ZMYM1: variants seen among roughly 807,000 people sequenced by gnomAD.
The protein encoded by ZMYM1 is zinc finger MYM-type containing 1.
ZMYM1 carries 39 observed loss-of-function variants against 60.0 expected under a neutral mutation model. The observed-to-expected ratio is 0.65, with a 90% CI of 0.50 to 0.85. The LOEUF (loss-of-function observed/expected upper bound fraction) is 0.85, where lower values mean the gene tolerates loss of function less well. ZMYM1 is among the 40% of genes least tolerant of loss of function. The pLI, the probability that ZMYM1 is intolerant of heterozygous loss-of-function variation, is 0.00. For synonymous variants in ZMYM1, 413 were observed against 454.0 expected (o/e 0.91, Z 1.15); for missense variants, 1,171 against 1,309.5 (o/e 0.89, Z 1.63).
chr1:35,081,661 T>C (rs76874466), intron 1 of ZMYM1, among the ~76,000 whole-genome samples: 2 of 152,218 alleles, frequency 1.3e-5, no homozygotes, highest in African/African-American at 4.8e-5. Context: ...GTTATTTTTA[T>C]ATTTTTCTGT....
At chr1:35,072,609 G>C (rs1167631141) in intron 1 of ZMYM1, among the ~76,000 whole-genome samples, 1 of 151,050 alleles carries the variant, frequency 6.6e-6, no homozygotes, top group Admixed American at 6.6e-5. Context: ...GTTTTTTCTT[G>C]TTTTTCTAGT....
At position 35,104,377 on chromosome 1, in the gene ZMYM1, C is replaced by T. The variant is rs775578562; in HGVS notation, c.502C>T (p.Leu168Phe). 16 of 1,613,296 alleles carry T rather than the reference C, an allele frequency of 9.9e-6. No homozygotes were observed. The highest frequency in any genetic ancestry group is 1.3e-5 in the African/African-American group (1 of 74,984). Residue 168 changes from leucine (L) to phenylalanine (F), a missense_variant, in exon 5 of 10, where the codon CTT becomes TTT. Transcript: ENST00000359858. ...CAAAACTTTTTGCAGCCTATCTTGTCTTTCATCATATGAAGAAAAAAGAAA... is the reference window on the plus strand; with the variant it reads ...CAAAACTTTTTGCAGCCTATCTTGTTTTTCATCATATGAAGAAAAAAGAAA... ...SCKTFCSLSC[L>F]SSYEEKRKPF... is the part of the protein sequence containing the mutation.
chr1:35,112,613 T>C (rs1330609896), intron 9 of ZMYM1, among the ~76,000 whole-genome samples: 1 of 146,888 alleles, frequency 6.8e-6, no homozygotes, highest in African/African-American at 2.5e-5. Flanking sequence ...TATTTATATA[T>C]TTAATATATA....
rs1644226257 is a variant in ZMYM1, at chr1:35,115,146, C to T, written c.3316C>T (p.Leu1106Phe). The T allele has an allele frequency of 1.2e-6, 2 of 1,614,108 alleles. No homozygotes were observed. Among genetic ancestry groups the T allele is most frequent in the Non-Finnish European group, 1.7e-6 (2 of 1,179,976 alleles). The change falls in exon 10 of 10, where the codon CTT becomes TTT. Residue 1106 changes from leucine (L) to phenylalanine (F), a missense_variant. Transcript: ENST00000359858. ...ATGTAATACCATGGGACAAGAGAAG[C>T]TTACTGGCCCAGCCCTAATGGCTGT... ...YLCNTMGQEK[L>F]TGPALMAVEQ...
At chr1:35,096,906 A>C (rs1643364552) in intron 3 of ZMYM1, among the ~76,000 whole-genome samples, 1 of 152,066 alleles carries the variant, frequency 6.6e-6, no homozygotes, top group African/African-American at 2.4e-5. Context: ...ATTGCCCGGG[A>C]TGGTCTCAAT....
At position 35,104,746 on chromosome 1, in the gene ZMYM1, A is replaced by G; in HGVS notation, c.784A>G (p.Lys262Glu). 1 of 1,613,980 alleles carries G rather than the reference A, an allele frequency of 6.2e-7. No homozygotes were observed. The highest frequency in any genetic ancestry group is 8.5e-7 in the Non-Finnish European group (1 of 1,179,836). ...ACAGTCTCATTACTTTAATAGTTCA[A>G]AGAGTATTACAGCATATAAGCAGGT... Reference protein sequence around the residue: ...EGQSHYFNSSKSITAYKQKPA... With the variant: ...EGQSHYFNSSESITAYKQKPA... Residue 262 changes from lysine (K) to glutamate (E), a missense_variant, in exon 6 of 10, where the codon AAG becomes GAG. Transcript: ENST00000359858.
At chr1:35,103,791 T>C (rs996484780) in intron 4 of ZMYM1, among the ~76,000 whole-genome samples, 2 of 152,234 alleles carry the variant, frequency 1.3e-5, no homozygotes, top group Non-Finnish European at 2.9e-5. Flanking sequence ...AGTTTTGATC[T>C]TGGGGACTCC....
chr1:35,116,065 T>C (rs899747133), downstream of ZMYM1, among the ~76,000 whole-genome samples: 14 of 151,266 alleles, frequency 9.3e-5, no homozygotes, highest in Non-Finnish European at 2.1e-4. Context: ...ACCTCATCAC[T>C]ACAATTTTTT....
Position 35,107,278 on chromosome 1 carries a change from G to A in ZMYM1, c.807+2509G>A, listed in dbSNP as rs532523499. Among the ~76,000 whole-genome samples the A allele has an allele frequency of 8.7e-5, 13 of 148,746 alleles. 1 individual carries two copies. In the South Asian group the frequency reaches 2.8e-3, roughly 32 times the overall value. On this transcript the variant is annotated intron_variant, in intron 6 of 9. Transcript: ENST00000359858. ...GATCGAGACCATCCTGGCTAACATGGTGAAACCCCATCGTTACTAAAAATA... is the reference window on the plus strand; with the variant it reads ...GATCGAGACCATCCTGGCTAACATGATGAAACCCCATCGTTACTAAAAATA...
chr1:35,112,584 G>A (rs369642999), intron 9 of ZMYM1, among the ~76,000 whole-genome samples: 4 of 85,688 alleles, frequency 4.7e-5, no homozygotes, highest in Admixed American at 2.3e-4. Context: ...ATATTATAAT[G>A]TATATTTATT....
At chr1:35,094,279 A>C (rs975722106) in intron 2 of ZMYM1, among the ~76,000 whole-genome samples, 196 bp downstream of exon 2, 4 of 152,194 alleles carry the variant, frequency 2.6e-5, no homozygotes, top group African/African-American at 9.6e-5. Flanking sequence ...GAAAGATTAG[A>C]CTGTTTGGAA....
chr1:35,097,394 AC>A lies in ZMYM1; in HGVS notation c.248del (p.Thr83LysfsTer61). The A allele has an allele frequency of 6.2e-7, 1 of 1,614,106 alleles. No homozygotes were observed. The part of the protein sequence containing the change: ...VNKMLPSVST[T>X]AIQVSCAGCK... ...TAAAATGCTTCCTTCAGTTTCAACC[AC>A]AGCTATTCAGGTTTCCTGTGCTGGT... On this transcript the variant is annotated frameshift_variant, in exon 4 of 10. Coordinates refer to ENST00000359858, the MANE Select transcript of ZMYM1 (RefSeq NM_024772.5). LOFTEE classifies it high-confidence loss of function.
At chr1:35,092,625 C>A (rs185020876) in intron 1 of ZMYM1, among the ~76,000 whole-genome samples, 1 of 146,038 alleles carries the variant, frequency 6.8e-6, no homozygotes, top group East Asian at 2.0e-4. Flanking sequence ...TCTTTCCTTT[C>A]TTTTCCTTTT....
rs758884407 is a variant in ZMYM1 at position 35,104,427 on chromosome 1, T to C, written c.552T>C (p.Asn184=). ...AACCATTTGTTACCATATGTACTAA[T>C]AGCATTTTGACCAAGTGCAGCATGT... The part of the protein sequence containing the change: ...KRKPFVTICT[N]SILTKCSMCQ... The change falls in exon 5 of 10, where the codon AAT becomes AAC. Residue 184 remains asparagine, a synonymous_variant. Transcript: ENST00000359858. The C allele has an allele frequency of 5.6e-6, 9 of 1,612,344 alleles. No homozygotes were observed. In the East Asian group the frequency reaches 1.6e-4, roughly 28 times the overall value.
At chr1:35,072,003 G>A (rs751534239) in intron 1 of ZMYM1, among the ~76,000 whole-genome samples, 2 of 152,148 alleles carry the variant, frequency 1.3e-5, no homozygotes, top group Non-Finnish European at 2.9e-5. Context: ...CAGTGGTGGT[G>A]CATGCCTGTA....
At chr1:35,107,491 A>AT (rs1191825104) in intron 6 of ZMYM1, among the ~76,000 whole-genome samples, 1 of 150,778 alleles carries the variant, frequency 6.6e-6, no homozygotes, top group Non-Finnish European at 1.5e-5. Context: ...AAAAACCTGT[A>AT]TTGAGTACCC....
rs555545452 is a variant in ZMYM1 at position 35,085,108 on chromosome 1, C to T, written c.-75+5666C>T. ...TGTCGCCCAGGCTGGAGTGCAGTGG[C>T]ACTGTCTCAGCTCACTGCAAGCTCC... On this transcript the variant is annotated intron_variant, in intron 1 of 9. Coordinates refer to ENST00000359858, the MANE Select transcript of ZMYM1 (RefSeq NM_024772.5). 1.2e-4 allele frequency among the ~76,000 whole-genome samples: 18 copies of T among 152,048 alleles called. No individual in the cohort carries two copies. In the East Asian group the frequency reaches 3.5e-3, roughly 30 times the overall value.
intron 1 of ZMYM1, among the ~76,000 whole-genome samples, chr1:35,083,185 A>ACT (rs113744587): frequency 0.045 from 6,781 of 150,788 alleles, 517 homozygotes; most frequent in African/African-American, 0.15. Context: ...ACAGGGTCTC[A>ACT]CTGTCCCCCA....
intron 1 of ZMYM1, among the ~76,000 whole-genome samples, chr1:35,063,912 G>C (rs12072898): frequency 0.2 from 30,542 of 152,162 alleles, 7,061 homozygotes; most frequent in African/African-American, 0.55. Flanking sequence ...TTCCCTCACT[G>C]ATAATGGAGA....
Sources: gnomAD v4.1 joint callset for allele counts (sites outside exome capture counted in the v4.1 genomes callset) on GRCh38, gnomAD v4.1.1 for gene constraint, MANE v1.5 for transcripts, NCBI Gene and HGNC (gene_info 2026-07-23, HGNC 2026-07-21) for gene names.